Variants in ZNF782 observed in about 807,000 individuals in gnomAD.
ZNF782 encodes zinc finger protein 782.
Under a neutral mutation model 13.0 loss-of-function variants are expected in ZNF782, and 12 were observed. The ratio of observed to expected loss-of-function variants is 0.92; its 90% CI spans 0.59 to 1.50. The LOEUF (loss-of-function observed/expected upper bound fraction) is 1.50, where lower values mean the gene tolerates loss of function less well. Ranked by LOEUF, ZNF782 falls within the 40% of genes most tolerant of loss-of-function variation. ZNF782 has a pLI of 0.00. For missense variants in ZNF782, 770 were observed against 822.9 expected, an observed-to-expected ratio of 0.94 and a Z score of 0.79; for synonymous variants, 284 against 283.0, an observed-to-expected ratio of 1.00 and a Z score of -0.04.
the ZNF782 span, among the ~76,000 whole-genome samples, chr9:96,903,784 G>C: frequency 6.6e-6 from 1 of 151,352 alleles, no homozygotes; most frequent in Admixed American, 6.6e-5. Context: ...GGATGGTCTC[G>C]ATCTCCTGAC....
Position 96,817,938 on chromosome 9 carries a change from G to T in ZNF782, c.2085C>A (p.Ala695=). ...QKSSLREHQK[A]HPGD ...ATGCATACATTTAATCCCCTGGGTG[G>T]GCTTTCTGATGTTCTCTAAGGCTTG... The change falls in exon 6 of 6, where the codon GCC becomes GCA. Residue 695 remains alanine, a synonymous_variant. Coordinates refer to ENST00000481138, the MANE Select transcript of ZNF782 (RefSeq NM_001001662.3). The T allele has an allele frequency of 6.4e-7, 1 of 1,566,264 alleles. No homozygotes were observed. The highest frequency in any genetic ancestry group is 8.6e-7 in the Non-Finnish European group (1 of 1,161,326).
the ZNF782 span, among the ~76,000 whole-genome samples, chr9:96,883,408 C>G: frequency 1.3e-5 from 2 of 152,088 alleles, no homozygotes; most frequent in African/African-American, 4.8e-5. Flanking sequence ...CCTCTGAAAT[C>G]ACCTGCCAGG....
At chr9:96,910,737 T>C in the ZNF782 span, among the ~76,000 whole-genome samples, 323 of 148,922 alleles carry the variant, frequency 2.2e-3, no homozygotes, top group African/African-American at 7.0e-3. Flanking sequence ...CCCGGGTTCA[T>C]GCCATTCTCC....
chr9:96,918,538 AGGTAGCT>A, the ZNF782 span: 1 of 150,456 alleles, frequency 6.6e-6, no homozygotes, highest in Non-Finnish European at 1.5e-5. Context: ...TGGTATCTCT[AGGTAGCT>A]GGCTGCTAGG....
chr9:96,881,500 T>C, the ZNF782 span, among the ~76,000 whole-genome samples: 1 of 152,132 alleles, frequency 6.6e-6, no homozygotes, highest in Non-Finnish European at 1.5e-5. Context: ...GCTCTGCTGG[T>C]AATTGATTTA....
At chr9:96,917,852 T>C in the ZNF782 span, among the ~76,000 whole-genome samples, 1 of 148,002 alleles carries the variant, frequency 6.8e-6, no homozygotes, top group Non-Finnish European at 1.5e-5. Flanking sequence ...GCTTCCTGAG[T>C]AGCTGGGATT....
intron 4 of ZNF782, among the ~76,000 whole-genome samples, chr9:96,827,803 A>G (rs1850675325): frequency 6.6e-6 from 1 of 152,252 alleles, no homozygotes; most frequent in East Asian, 1.9e-4. Context: ...AATATAAAAA[A>G]TGGTAATTAG....
rs1851454878 is a variant in ZNF782 at position 96,850,428 on chromosome 9, A to C, written c.15+1519T>G. ...AACCAAACCGTACGTTCTCACTTAT[A>C]AGTGGGAGCTAAGTTATGAGTATGC... is the stretch of plus-strand genomic sequence containing the variant. On this transcript the variant is annotated intron_variant, in intron 3 of 5. Coordinates refer to ENST00000481138, the MANE Select transcript of ZNF782 (RefSeq NM_001001662.3). The surrounding 1 kb of genome is among the most constrained non-coding windows in gnomAD (Gnocchi z 4.3). 6.6e-6 allele frequency among the ~76,000 whole-genome samples: 1 copy of C among 152,216 alleles called. No individual in the cohort carries two copies. The highest frequency in any genetic ancestry group is 6.5e-5 in the Admixed American group (1 of 15,284).
chr9:96,840,671 G>T (rs1391519964), intron 4 of ZNF782, among the ~76,000 whole-genome samples: 1 of 152,130 alleles, frequency 6.6e-6, no homozygotes, highest in Middle Eastern at 3.4e-3. Flanking sequence ...CTATATGAAT[G>T]AGTGTTCAAT....
chr9:96,823,694 C>G (rs954610593), intron 5 of ZNF782, among the ~76,000 whole-genome samples: 2 of 152,124 alleles, frequency 1.3e-5, no homozygotes, highest in South Asian at 4.1e-4. Context: ...CAATTCATAA[C>G]CGTATTTTGA....
chr9:96,880,546 G>T (rs965420469), upstream of ZNF782, among the ~76,000 whole-genome samples: 3 of 152,136 alleles, frequency 2.0e-5, no homozygotes, highest in African/African-American at 4.8e-5. Context: ...TGATCCTGTG[G>T]TGTTTTATTT....
chr9:96,917,556 C>G, the ZNF782 span, among the ~76,000 whole-genome samples: 3 of 151,698 alleles, frequency 2.0e-5, no homozygotes, highest in Non-Finnish European at 2.9e-5. Context: ...CTTAGCCTCC[C>G]AAGTAGCTGG....
At chr9:96,929,216 G>A in the ZNF782 span, among the ~76,000 whole-genome samples, 3 of 152,152 alleles carry the variant, frequency 2.0e-5, no homozygotes, top group African/African-American at 4.8e-5. Flanking sequence ...TGGTTAGGGA[G>A]GAGGGCTCCT....
intron 4 of ZNF782, among the ~76,000 whole-genome samples, chr9:96,834,502 T>C (rs1850921197): frequency 6.6e-6 from 1 of 151,846 alleles, no homozygotes; most frequent in African/African-American, 2.4e-5. Context: ...CTCACAGGAA[T>C]GTACTAGTTC....
the ZNF782 span, among the ~76,000 whole-genome samples, chr9:96,884,552 C>T: frequency 3.9e-5 from 6 of 152,052 alleles, no homozygotes; most frequent in South Asian, 8.3e-4. Context: ...TTCCTACCTT[C>T]CCTCCCACCC....
Position 96,819,277 on chromosome 9 carries a change from C to A in ZNF782, c.746G>T (p.Gly249Val). ...GGTTGATTTATCATATTTGTTTTCC[C>A]CAAATTTATTGAAATTGTAAGATTT... ...KGKSYNFNKFGENKYDKSTFI... is the reference protein window; with the variant it reads ...KGKSYNFNKFVENKYDKSTFI... The change falls in exon 6 of 6, where the codon GGG becomes GTG. Residue 249 changes from glycine (G) to valine (V), a missense_variant. Transcript: ENST00000481138. 1.2e-6 allele frequency: 2 copies of A among 1,613,082 alleles called. No individual in the cohort carries two copies. The highest frequency in any genetic ancestry group is 8.5e-7 in the Non-Finnish European group (1 of 1,179,778).
At chr9:96,851,035 T>C (rs1851471847) in intron 3 of ZNF782, among the ~76,000 whole-genome samples, 1 of 152,154 alleles carries the variant, frequency 6.6e-6, no homozygotes, top group Non-Finnish European at 1.5e-5. Flanking sequence ...AATTTGTGTA[T>C]GCAAGGTGGT....
rs59643114 is a variant in ZNF782, at chr9:96,873,079, G to GTT, written c.-457+2387_-457+2388dup. ...TTAAAAATATATCAAATCACTGTTA[G>GTT]TTTTTTTTTTTTAGAACTAAGAGTC... is the stretch of plus-strand genomic sequence containing the variant. On this transcript the variant is annotated intron_variant, in intron 1 of 5. Transcript: ENST00000498811. Among the ~76,000 whole-genome samples the GTT allele has an allele frequency of 2.0e-5, 3 of 146,644 alleles. No homozygotes were observed. The Admixed American group carries it at 2.0e-4, about 10-fold the overall frequency.
chr9:96,818,534 G>A lies in ZNF782; in HGVS notation c.1489C>T (p.Arg497Ter), dbSNP rs545283742. The change falls in exon 6 of 6, where the codon CGA becomes TGA. Residue 497 changes from arginine to a stop codon, truncating the protein, a stop_gained. Coordinates refer to ENST00000481138, the MANE Select transcript of ZNF782 (RefSeq NM_001001662.3). LOFTEE classifies it low-confidence loss of function (END_TRUNC). ...FSHMSGLRNH[R>*]RTHTGERPYK... ...GGTCTTTCCCCTGTGTGAGTTCTTC[G>A]GTGATTCCTTAGGCCTGACATATGG... The A allele has an allele frequency of 2.9e-5, 47 of 1,613,642 alleles. No individual in the cohort carries two copies. Among genetic ancestry groups the A allele is most frequent in the Middle Eastern group, 1.6e-4 (1 of 6,062 alleles).
Sources: gnomAD v4.1 joint callset for allele counts (sites outside exome capture counted in the v4.1 genomes callset) on GRCh38, gnomAD v4.1.1 for gene constraint, Gnocchi (gnomAD v3.1) non-coding constraint, MANE v1.5 for transcripts, NCBI Gene and HGNC (gene_info 2026-07-23, HGNC 2026-07-21) for gene names.